The following STARD7 variants were observed in gnomAD, a reference collection of about 807,000 sequenced individuals.
The protein encoded by STARD7 is StAR related lipid transfer domain containing 7, also known as stAR-related lipid transfer protein 7, mitochondrial.
A neutral mutation model predicts 45.3 loss-of-function variants in STARD7; 30 were observed. The observed-to-expected ratio is 0.66, with a 90% CI of 0.50 to 0.90. STARD7 has a LOEUF of 0.90. STARD7 is among the 40% of genes least tolerant of loss of function. STARD7 has a pLI of 0.00. For synonymous variants in STARD7, 199 were observed against 183.0 expected (o/e 1.09, Z -0.70); for missense variants, 495 against 491.3 (o/e 1.01, Z -0.07).
chr2:96,191,493 C>T (rs1200991148), intron 6 of STARD7, among the ~76,000 whole-genome samples: 1 of 152,144 alleles, frequency 6.6e-6, no homozygotes, highest in Non-Finnish European at 1.5e-5. Context: ...ACCCTCTGTA[C>T]ACAGTCAATG....
intron 1 of STARD7, among the ~76,000 whole-genome samples, chr2:96,202,294 C>G (rs1470340473): frequency 6.6e-6 from 1 of 152,176 alleles, no homozygotes; most frequent in Non-Finnish European, 1.5e-5. Context: ...AGAATGCCAG[C>G]AACACTGCTC....
intron 1 of STARD7, among the ~76,000 whole-genome samples, chr2:96,207,451 A>G (rs1347344749): frequency 6.6e-6 from 1 of 152,260 alleles, no homozygotes; most frequent in Non-Finnish European, 1.5e-5. Flanking sequence ...CATTACCTGG[A>G]AACTACAGTC....
intron 6 of STARD7, among the ~76,000 whole-genome samples, chr2:96,189,766 G>A (rs1462938347): frequency 6.7e-6 from 1 of 150,138 alleles, no homozygotes; most frequent in East Asian, 2.0e-4. Context: ...AAGACAAAAA[G>A]ACCACAAAAT....
chr2:96,188,826 G>A (rs1304162305), intron 6 of STARD7, among the ~76,000 whole-genome samples: 5 of 151,838 alleles, frequency 3.3e-5, no homozygotes, highest in African/African-American at 4.8e-5. Context: ...CCCGGGAGGC[G>A]GAGGTTGCAG....
intron 1 of STARD7, among the ~76,000 whole-genome samples, chr2:96,201,854 T>G (rs996390119): frequency 2.6e-5 from 4 of 152,194 alleles, no homozygotes; most frequent in Admixed American, 1.3e-4. Context: ...AAAGGTATAG[T>G]GTCAATCCAA....
In STARD7 at chr2:96,195,350, G is replaced by C; in HGVS notation, c.490C>G (p.Gln164Glu). 1 of 1,571,872 alleles carries C rather than the reference G, an allele frequency of 6.4e-7. No individual in the cohort carries two copies. Among genetic ancestry groups the C allele is most frequent in the Non-Finnish European group, 8.6e-7 (1 of 1,158,442 alleles). ...GCCACACTGGGCTCACCTCGGTACTGGTAAAGGTGGGTGCCTGTAATTGGG... is the reference window on the plus strand; with the variant it reads ...GCCACACTGGGCTCACCTCGGTACTCGTAAAGGTGGGTGCCTGTAATTGGG... ...RRPITGTHLY[Q>E]YRVFGTYTDV... Residue 164 changes from glutamine to glutamate, a missense_variant, in exon 2 of 8, where the codon CAG becomes GAG. By Grantham distance (29) the Gln-to-Glu change is conservative (BLOSUM62 2). Coordinates refer to ENST00000337288, the MANE Select transcript of STARD7 (RefSeq NM_020151.4).
chr2:96,196,547 C>G (rs939488387), intron 1 of STARD7, among the ~76,000 whole-genome samples: 6 of 152,120 alleles, frequency 3.9e-5, no homozygotes, highest in Non-Finnish European at 8.8e-5. Context: ...CTGCAACTTC[C>G]GCCTCCTGGG....
rs1683429046 is a variant in STARD7 at position 96,208,162 on chromosome 2, C to T, written c.273G>A (p.Gln91=). ...GCGCCCACCTCTGCAACTCCTCCTCCTGGATCCTCTCCTCGTCCCAAACGA... is the reference window on the plus strand; with the variant it reads ...GCGCCCACCTCTGCAACTCCTCCTCTTGGATCCTCTCCTCGTCCCAAACGA... ...GVFVWDEERI[Q]EEELQRSINE... The change falls in exon 1 of 8, where the codon CAG becomes CAA. Residue 91 remains glutamine (Q), a synonymous_variant. Transcript: ENST00000337288. The T allele has an allele frequency of 1.3e-6, 2 of 1,596,160 alleles. No individual in the cohort carries two copies. The highest frequency in any genetic ancestry group is 1.4e-5 in the African/African-American group (1 of 73,586).
At position 96,208,704 on chromosome 2, in the gene STARD7, C is replaced by T. The variant is rs1683453065; in HGVS notation, c.-270G>A. 2.4e-6 allele frequency: 1 copy of T among 416,090 alleles called. No individual in the cohort carries two copies. Among genetic ancestry groups the T allele is most frequent in the South Asian group, 8.8e-5 (1 of 11,356 alleles). 25.8% of individuals were successfully genotyped at this position (416,090 alleles called of 1,614,324 possible). ...GGGCCCGGGCAGCAGACCAGTCAGC[C>T]CTGTGGCTCCTCGGCGACCTCCAGC... On this transcript the variant is annotated 5_prime_UTR_variant, in exon 1 of 8. Coordinates refer to ENST00000337288, the MANE Select transcript of STARD7 (RefSeq NM_020151.4).
chr2:96,205,581 G>C (rs1228548745), intron 1 of STARD7, among the ~76,000 whole-genome samples: 16 of 152,164 alleles, frequency 1.1e-4, no homozygotes, highest in African/African-American at 3.4e-4. Context: ...CATTATGGAA[G>C]CTACCCAAAA....
chr2:96,191,352 G>T (rs1683122995), intron 6 of STARD7, among the ~76,000 whole-genome samples: 1 of 152,106 alleles, frequency 6.6e-6, no homozygotes, highest in Non-Finnish European at 1.5e-5. Flanking sequence ...GATACAGGGG[G>T]TTCATTATAC....
intron 6 of STARD7, among the ~76,000 whole-genome samples, chr2:96,190,326 AGTCT>A (rs1027510734): frequency 6.6e-6 from 1 of 151,024 alleles, no homozygotes; most frequent in Admixed American, 6.6e-5. Context: ...AGTACATTTA[AGTCT>A]GTGTCTTTTT....
rs183040027 is a variant in STARD7 at position 96,196,918 on chromosome 2, T to G, written c.291-1369A>C. 3.5e-3 allele frequency among the ~76,000 whole-genome samples: 530 copies of G among 151,002 alleles called. 1 individual carries two copies. The highest frequency in any genetic ancestry group is 5.1e-3 in the Non-Finnish European group (347 of 67,768). On this transcript the variant is annotated intron_variant, in intron 1 of 7. Coordinates refer to ENST00000337288, the MANE Select transcript of STARD7 (RefSeq NM_020151.4). ...CCTGTCTCTACTAAAAATACAAAAT[T>G]AGCTGGGCACGGTGGCACATACCTG...
At chr2:96,208,034 T>C (rs898721251) in intron 1 of STARD7, 111 bp downstream of exon 1, 4 of 1,009,120 alleles carry the variant, frequency 4.0e-6, no homozygotes, top group Non-Finnish European at 5.7e-6. Context: ...TCGACTGTAT[T>C]GCCAATTAAA....
chr2:96,206,766 A>G (rs1269784465), intron 1 of STARD7, among the ~76,000 whole-genome samples: 1 of 139,328 alleles, frequency 7.2e-6, no homozygotes, highest in Non-Finnish European at 1.5e-5. Context: ...GCGCCACTGC[A>G]CTCCAGCCTG....
intron 1 of STARD7, among the ~76,000 whole-genome samples, chr2:96,196,289 C>G (rs962299346): frequency 6.6e-6 from 1 of 151,884 alleles, no homozygotes; most frequent in Non-Finnish European, 1.5e-5. Context: ...ACAGTGAGAC[C>G]CTACCTCTAA....
At chr2:96,192,193 G>A (rs1683135027) in intron 6 of STARD7, among the ~76,000 whole-genome samples, 176 bp downstream of exon 6, 1 of 152,144 alleles carries the variant, frequency 6.6e-6, no homozygotes, top group African/African-American at 2.4e-5. Context: ...GGAACTTCCA[G>A]GTACATCACC....
At chr2:96,187,162 G>T in intron 7 of STARD7, 55 bp downstream of exon 7, 1 of 1,342,934 alleles carries the variant, frequency 7.4e-7, no homozygotes, top group Non-Finnish European at 1.0e-6. Flanking sequence ...AGGAAATAGA[G>T]AAAAACAAAA....
intron 1 of STARD7, among the ~76,000 whole-genome samples, chr2:96,197,421 T>C (rs1683238779): frequency 6.6e-6 from 1 of 152,044 alleles, no homozygotes; most frequent in South Asian, 2.1e-4. Flanking sequence ...AAATAAAAAA[T>C]AAAATAAAAT....
Sources: gnomAD v4.1 joint callset for allele counts (sites outside exome capture counted in the v4.1 genomes callset) on GRCh38, gnomAD v4.1.1 for gene constraint, MANE v1.5 for transcripts, NCBI Gene and HGNC (gene_info 2026-07-23, HGNC 2026-07-21) for gene names.